The following SPEF2 variants were observed in gnomAD, a reference collection of about 807,000 sequenced individuals.
SPEF2 encodes the protein sperm flagella and cilia-associated protein 2.
In SPEF2, 187 loss-of-function variants were observed where a neutral mutation model predicts 224.6. The observed-to-expected ratio is 0.83, with a 90% CI of 0.74 to 0.94. SPEF2 has a LOEUF of 0.94. SPEF2 is among the 40% of genes least tolerant of loss of function. The probability of loss-of-function intolerance (pLI) is 0.00; values close to 1 mark genes in which losing one functional copy is unlikely to be tolerated. For missense variants in SPEF2, 2,170 were observed against 2,135.6 expected, an observed-to-expected ratio of 1.02 and a Z score of -0.32; for synonymous variants, 715 against 707.3, an observed-to-expected ratio of 1.01 and a Z score of -0.17.
At chr5:35,760,962 G>C (rs1385401990) in intron 25 of SPEF2, among the ~76,000 whole-genome samples, 1 of 151,820 alleles carries the variant, frequency 6.6e-6, no homozygotes, top group Admixed American at 6.6e-5. Context: ...CAGTAGGCAG[G>C]CGATAAGAAA....
intron 23 of SPEF2, among the ~76,000 whole-genome samples, chr5:35,751,078 T>TATATATATACAC (rs1749518616): frequency 5.7e-4 from 13 of 22,638 alleles, no homozygotes; most frequent in African/African-American, 1.0e-3. Context: ...TATATATATA[T>TATATATATACAC]ACACACACAC....
chr5:35,666,034 G>T (rs1304163779), intron 8 of SPEF2, among the ~76,000 whole-genome samples: 3 of 152,124 alleles, frequency 2.0e-5, no homozygotes, highest in Admixed American at 1.3e-4. Context: ...ATTTTTTGGG[G>T]TATGCTAAGT....
chr5:35,750,282 A>G (rs998977858), intron 23 of SPEF2, among the ~76,000 whole-genome samples: 2 of 152,176 alleles, frequency 1.3e-5, no homozygotes, highest in African/African-American at 4.8e-5. Flanking sequence ...CCTTCTGGAC[A>G]TTGGCTCAGG....
chr5:35,809,252 G>A (rs1237513466), intron 36 of SPEF2, among the ~76,000 whole-genome samples: 1 of 152,074 alleles, frequency 6.6e-6, no homozygotes, highest in East Asian at 1.9e-4. Flanking sequence ...ATAGGAGAGA[G>A]AAAATTGAGT....
chr5:35,731,677 C>G (rs1292206657), intron 21 of SPEF2, among the ~76,000 whole-genome samples: 1 of 152,202 alleles, frequency 6.6e-6, no homozygotes, highest in Non-Finnish European at 1.5e-5. Flanking sequence ...AGGCTCCTCT[C>G]AGGAACTTGG....
chr5:35,659,528 G>T (rs1232503950), intron 8 of SPEF2, among the ~76,000 whole-genome samples: 1 of 152,062 alleles, frequency 6.6e-6, no homozygotes, highest in African/African-American at 2.4e-5. Flanking sequence ...TCTCATGAAG[G>T]GCTCATGGAA....
intron 12 of SPEF2, 109 bp from the exon 13 acceptor site, chr5:35,694,177 CAA>C: frequency 1.3e-6 from 1 of 784,636 alleles, no homozygotes; most frequent in Non-Finnish European, 2.0e-6. Flanking sequence ...ATGTTATAGA[CAA>C]AAAGTATTGT....
At position 35,700,623 on chromosome 5, in the gene SPEF2, C is replaced by T; in HGVS notation, c.2269C>T (p.Gln757Ter). 1 of 1,613,916 alleles carries T rather than the reference C, an allele frequency of 6.2e-7. No homozygotes were observed. The highest frequency in any genetic ancestry group is 1.1e-5 in the South Asian group (1 of 91,076). ...NLTEVERKKA[Q>*]KSTLAIDPAT... ...CACAGAAGTGGAAAGAAAAAAAGCA[C>T]AAAAATCCACATTGGCTATTGATCC... The change falls in exon 16 of 37, where the codon CAA (glutamine) becomes TAA (stop). Residue 757 changes from glutamine to a stop codon, truncating the protein, a stop_gained. Coordinates refer to ENST00000356031, the MANE Select transcript of SPEF2 (RefSeq NM_024867.4). LOFTEE classifies it high-confidence loss of function.
chr5:35,625,627 T>A (rs1418823743), intron 1 of SPEF2, among the ~76,000 whole-genome samples: 1 of 152,102 alleles, frequency 6.6e-6, no homozygotes, highest in East Asian at 1.9e-4. Context: ...GATACATCCA[T>A]AGATGAATAA....
At chr5:35,625,998 G>A (rs538364114) in intron 1 of SPEF2, among the ~76,000 whole-genome samples, 30 of 152,292 alleles carry the variant, frequency 2.0e-4, no homozygotes, top group African/African-American at 6.7e-4. Flanking sequence ...TAGTAGCATC[G>A]AAAGGCATTA....
At chr5:35,632,207 TAA>T (rs1293208220) in intron 2 of SPEF2, among the ~76,000 whole-genome samples, 1 of 152,226 alleles carries the variant, frequency 6.6e-6, no homozygotes, top group Non-Finnish European at 1.5e-5. Context: ...CACACTGCTA[TAA>T]ATATATACCC....
intron 20 of SPEF2, among the ~76,000 whole-genome samples, chr5:35,725,239 C>T (rs1744430432): frequency 6.6e-6 from 1 of 152,122 alleles, no homozygotes; most frequent in African/African-American, 2.4e-5. Flanking sequence ...TGTTGGCAGC[C>T]CAGGCAGCCA....
At chr5:35,729,463 G>A (rs1041956252) in intron 21 of SPEF2, among the ~76,000 whole-genome samples, 1 of 152,186 alleles carries the variant, frequency 6.6e-6, no homozygotes, top group Non-Finnish European at 1.5e-5. Flanking sequence ...GTTTCCTGAA[G>A]TACTTACGTA....
intron 20 of SPEF2, among the ~76,000 whole-genome samples, chr5:35,716,404 C>T (rs10043180): frequency 0.75 from 114,240 of 151,920 alleles, 43,296 homozygotes; most frequent in Middle Eastern, 0.83. Context: ...CATTATAGAA[C>T]CATCGAAAAT....
chr5:35,733,470 A>G (rs1233781975), intron 21 of SPEF2, among the ~76,000 whole-genome samples: 1 of 152,224 alleles, frequency 6.6e-6, no homozygotes, highest in African/African-American at 2.4e-5. Context: ...CATTTTATTT[A>G]GAATATCAAA....
At chr5:35,637,783 G>A (rs767857989) in intron 2 of SPEF2, among the ~76,000 whole-genome samples, 18 of 151,938 alleles carry the variant, frequency 1.2e-4, no homozygotes, top group Non-Finnish European at 7.4e-5. Context: ...TCAGCCCTTC[G>A]CTCCCTCTGT....
rs77414927 is a variant in SPEF2 at position 35,736,045 on chromosome 5, T to A, written c.3064-3874T>A. 8.9e-3 allele frequency among the ~76,000 whole-genome samples: 1,356 copies of A among 152,168 alleles called. 17 individuals carry two copies. The highest frequency in any genetic ancestry group is 0.032 in the African/African-American group (1,320 of 41,514). On this transcript the variant is annotated intron_variant, in intron 21 of 36. Coordinates refer to ENST00000356031, the MANE Select transcript of SPEF2 (RefSeq NM_024867.4). ...GGACTTCAAAAGGCTTGTGGAAAAA[T>A]TGAATTAAAAGATAAAATTAAAAAA...
At chr5:35,788,414 A>T in intron 30 of SPEF2, 1 of 702,622 alleles carries the variant, frequency 1.4e-6, no homozygotes, top group Non-Finnish European at 2.6e-6. Flanking sequence ...AGAACGAAAA[A>T]ATCTAAGAGA....
intron 7 of SPEF2, 94 bp downstream of exon 7, chr5:35,654,820 T>A (rs1025836709): frequency 9.6e-7 from 1 of 1,039,214 alleles, no homozygotes; most frequent in Non-Finnish European, 1.3e-6. Context: ...ATATGTATTG[T>A]CTGCTACTCT....
Sources: gnomAD v4.1 joint callset for allele counts (sites outside exome capture counted in the v4.1 genomes callset) on GRCh38, gnomAD v4.1.1 for gene constraint, MANE v1.5 for transcripts, NCBI Gene and HGNC (gene_info 2026-07-23, HGNC 2026-07-21) for gene names.